The following PLEKHA2 variants were observed in gnomAD, a reference collection of about 807,000 sequenced individuals.
PLEKHA2 encodes the protein pleckstrin homology domain-containing family A member 2.
Under a neutral mutation model 53.2 loss-of-function variants are expected in PLEKHA2, and 28 were observed. That is an observed-to-expected ratio of 0.53 (90% CI 0.39 to 0.72). PLEKHA2 has a LOEUF of 0.72. Ranked by LOEUF, PLEKHA2 falls within the 30% of genes least tolerant of loss-of-function variation. PLEKHA2 has a pLI of 0.00. For synonymous variants in PLEKHA2, 193 were observed against 196.4 expected (o/e 0.98, Z 0.14); for missense variants, 426 against 537.9 (o/e 0.79, Z 2.06).
intron 10 of PLEKHA2, among the ~76,000 whole-genome samples, chr8:38,964,536 C>T (rs935294623): frequency 2.0e-5 from 3 of 152,094 alleles, no homozygotes; most frequent in African/African-American, 4.8e-5. Flanking sequence ...TCCCTTTACC[C>T]TTCCAAGTTC....
At chr8:38,956,970 C>G (rs1395262978) in intron 9 of PLEKHA2, among the ~76,000 whole-genome samples, 3 of 152,028 alleles carry the variant, frequency 2.0e-5, no homozygotes, top group African/African-American at 4.8e-5. Flanking sequence ...CTTCATACAC[C>G]TTAGAGGGAA....
chr8:38,928,172 GCAGT>G (rs142804415), intron 2 of PLEKHA2, among the ~76,000 whole-genome samples: 5,899 of 151,432 alleles, frequency 0.039, 399 homozygotes, highest in African/African-American at 0.14. Context: ...TAGGTGGCCA[GCAGT>G]CAGAGTTGGG....
At chr8:38,904,722 G>A (rs1160368146) in intron 1 of PLEKHA2, among the ~76,000 whole-genome samples, 2 of 152,210 alleles carry the variant, frequency 1.3e-5, no homozygotes, top group Admixed American at 6.5e-5. Flanking sequence ...GCCTTTCCTC[G>A]TGAGAGGAAT....
intron 1 of PLEKHA2, among the ~76,000 whole-genome samples, chr8:38,902,737 A>G (rs191643668): frequency 5.3e-5 from 8 of 152,336 alleles, no homozygotes; most frequent in Admixed American, 4.6e-4. Context: ...TTTCAGTTGC[A>G]TTCAGTTGAC....
chr8:38,926,680 C>G (rs952695140), intron 2 of PLEKHA2, among the ~76,000 whole-genome samples: 1 of 152,174 alleles, frequency 6.6e-6, no homozygotes, highest in Non-Finnish European at 1.5e-5. Flanking sequence ...CCTGTAATCC[C>G]AGTACTCTGG....
At chr8:38,913,129 C>G (rs1003533351) in intron 1 of PLEKHA2, among the ~76,000 whole-genome samples, 1 of 152,044 alleles carries the variant, frequency 6.6e-6, no homozygotes, top group Non-Finnish European at 1.5e-5. Context: ...TTTGGGAGGC[C>G]GAGGCTGGTG....
chr8:38,914,210 C>A (rs544236452), intron 1 of PLEKHA2, among the ~76,000 whole-genome samples: 1 of 152,352 alleles, frequency 6.6e-6, no homozygotes, highest in South Asian at 2.1e-4. Context: ...ACGCATCTCC[C>A]TGATGTTTGT....
At chr8:38,931,932 C>A (rs928847650) in intron 2 of PLEKHA2, among the ~76,000 whole-genome samples, 1 of 152,132 alleles carries the variant, frequency 6.6e-6, no homozygotes. Flanking sequence ...CCATTTAATT[C>A]TCATTCAGTG....
At chr8:38,926,839 C>T (rs1017886631) in intron 2 of PLEKHA2, among the ~76,000 whole-genome samples, 6 of 152,026 alleles carry the variant, frequency 3.9e-5, no homozygotes, top group East Asian at 1.9e-4. Context: ...CGCTTGAACC[C>T]GGGAGGCAGA....
At chr8:38,915,899 C>G (rs180992133) in intron 1 of PLEKHA2, among the ~76,000 whole-genome samples, 4 of 152,144 alleles carry the variant, frequency 2.6e-5, no homozygotes, top group Non-Finnish European at 4.4e-5. Flanking sequence ...GCTTGCAGCA[C>G]GTAACAGTCA....
At chr8:38,969,378 G>A (rs755103023) in intron 11 of PLEKHA2, 43 bp from the exon 12 acceptor site, 1 of 1,587,676 alleles carries the variant, frequency 6.3e-7, no homozygotes, top group Non-Finnish European at 8.5e-7. Flanking sequence ...TGTCTGAAAA[G>A]CCCTAACTTT....
At chr8:38,952,097 A>G in intron 6 of PLEKHA2, 69 bp from the exon 7 acceptor site, 1 of 1,537,420 alleles carries the variant, frequency 6.5e-7, no homozygotes, top group Non-Finnish European at 8.8e-7. Context: ...ATTCAGGCAG[A>G]GGGAGGTAGG....
chr8:38,914,056 C>T (rs1363096455), intron 1 of PLEKHA2, among the ~76,000 whole-genome samples: 2 of 152,190 alleles, frequency 1.3e-5, no homozygotes, highest in South Asian at 2.1e-4. Context: ...CTCCTCTGTC[C>T]ATGGTTGATC....
At chr8:38,920,846 G>A (rs964097470) in intron 2 of PLEKHA2, among the ~76,000 whole-genome samples, 6 of 150,850 alleles carry the variant, frequency 4.0e-5, no homozygotes, top group South Asian at 2.1e-4. Flanking sequence ...TGTTGCCCAC[G>A]CTGGAGTGCA....
chr8:38,901,385 G>C lies in PLEKHA2; in HGVS notation c.-84G>C, dbSNP rs1833781091. ...CTGGAGCGCGGCGGACCCGGCGGCC[G>C]GAGGGGCGACCCCGCCCGATGTAAC... On this transcript the variant is annotated 5_prime_UTR_variant, in exon 1 of 12. Transcript: ENST00000617275. 6.6e-6 allele frequency: 1 copy of C among 151,976 alleles called. No individual in the cohort carries two copies. Among genetic ancestry groups the C allele is most frequent in the African/African-American group, 2.4e-5 (1 of 41,312 alleles). The allele number at this position is 151,976 out of a possible 1,614,324, so 9.4% of individuals were successfully genotyped here. A position where few individuals can be genotyped will look rare whatever the true frequency, so the allele number is the denominator to read the frequency against.
At chr8:38,920,040 C>T (rs1447489617) in intron 2 of PLEKHA2, among the ~76,000 whole-genome samples, 2 of 151,888 alleles carry the variant, frequency 1.3e-5, no homozygotes, top group African/African-American at 2.4e-5. Context: ...GGCATGATCT[C>T]GGCTCACTGC....
intron 3 of PLEKHA2, among the ~76,000 whole-genome samples, chr8:38,940,664 C>CGGGGG (rs1834593577): frequency 1.4e-5 from 1 of 70,158 alleles, no homozygotes; most frequent in African/African-American, 5.5e-5. Flanking sequence ...GGGGGGGGGT[C>CGGGGG]AGAAACCCAG....
At chr8:38,961,929 C>G (rs1292253144) in intron 10 of PLEKHA2, among the ~76,000 whole-genome samples, 2 of 152,096 alleles carry the variant, frequency 1.3e-5, no homozygotes, top group East Asian at 3.9e-4. Context: ...TTTTTGGACA[C>G]CTAGATGTCC....
chr8:38,945,767 G>T (rs1413990005), intron 4 of PLEKHA2, among the ~76,000 whole-genome samples: 1 of 152,148 alleles, frequency 6.6e-6, no homozygotes, highest in African/African-American at 2.4e-5. Context: ...TGTATATACC[G>T]TGATGACAGT....
Sources: gnomAD v4.1 joint callset for allele counts (sites outside exome capture counted in the v4.1 genomes callset) on GRCh38, gnomAD v4.1.1 for gene constraint, MANE v1.5 for transcripts, NCBI Gene and HGNC (gene_info 2026-07-23, HGNC 2026-07-21) for gene names.